ASAP2: variants seen among roughly 807,000 people sequenced by gnomAD.
ASAP2 encodes arf-GAP with SH3 domain, ANK repeat and PH domain-containing protein 2.
Under a neutral mutation model 131.4 loss-of-function variants are expected in ASAP2, and 45 were observed. The observed-to-expected ratio is 0.34, with a 90% CI of 0.27 to 0.44. The LOEUF (loss-of-function observed/expected upper bound fraction) is 0.44, where lower values mean the gene tolerates loss of function less well. Among genes scored for constraint, ASAP2 ranks in the 20% least tolerant of loss-of-function variants. The pLI is 1.00. For missense variants in ASAP2, 1,011 were observed against 1,297.0 expected (o/e 0.78, Z 3.39); for synonymous variants, 510 against 503.0 (o/e 1.01, Z -0.19).
intron 1 of ASAP2, among the ~76,000 whole-genome samples, chr2:9,258,975 C>T (rs902741228): frequency 1.3e-5 from 2 of 152,136 alleles, no homozygotes; most frequent in African/African-American, 4.8e-5. Context: ...GCCAGTTTCG[C>T]GGGGCCAGAC....
chr2:9,378,938 G>A lies in ASAP2; in HGVS notation c.1833-6G>A, dbSNP rs1674615449. The A allele has an allele frequency of 2.1e-6, 3 of 1,435,628 alleles. No individual in the cohort carries two copies. Among genetic ancestry groups the A allele is most frequent in the Non-Finnish European group, 1.8e-6 (2 of 1,082,432 alleles). The allele number at this position is 1,435,628 out of a possible 1,614,324, so 88.9% of individuals were successfully genotyped here. On this transcript the variant is annotated splice_polypyrimidine_tract_variant and splice_region_variant and intron_variant, in intron 18 of 27. Coordinates refer to ENST00000281419, the MANE Select transcript of ASAP2 (RefSeq NM_003887.3). ...ATGCTCTCTCTCTGTTCCTGTTCTCGGGCAGTGGGAACCTGGATAAACAGA... is the reference window on the plus strand; with the variant it reads ...ATGCTCTCTCTCTGTTCCTGTTCTCAGGCAGTGGGAACCTGGATAAACAGA...
chr2:9,264,190 C>CAAAAA (rs113543532), intron 1 of ASAP2, among the ~76,000 whole-genome samples: 3,021 of 123,288 alleles, frequency 0.025, 75 homozygotes, highest in Non-Finnish European at 0.032. Context: ...GACCCTGTCT[C>CAAAAA]AAAAAAATAA....
chr2:9,250,352 T>C (rs1309348020), intron 1 of ASAP2, among the ~76,000 whole-genome samples: 1 of 152,096 alleles, frequency 6.6e-6, no homozygotes, highest in Non-Finnish European at 1.5e-5. Flanking sequence ...GAACACGACA[T>C]GTGAATACAC....
chr2:9,222,827 A>G (rs1027713038), intron 1 of ASAP2, among the ~76,000 whole-genome samples: 6 of 151,668 alleles, frequency 4.0e-5, no homozygotes, highest in Non-Finnish European at 7.4e-5. Flanking sequence ...CATTGTCTAC[A>G]CTCCTGGTCC....
At chr2:9,276,792 G>A (rs1436817449) in intron 1 of ASAP2, among the ~76,000 whole-genome samples, 2 of 152,100 alleles carry the variant, frequency 1.3e-5, no homozygotes, top group African/African-American at 2.4e-5. Flanking sequence ...CTCCCACCTC[G>A]ACCTCTCAAA....
chr2:9,221,404 A>G (rs2147981370), intron 1 of ASAP2, among the ~76,000 whole-genome samples: 1 of 148,474 alleles, frequency 6.7e-6, no homozygotes, highest in South Asian at 2.1e-4. Context: ...TCACTGCAAC[A>G]TTGGCCTCCC....
At chr2:9,280,355 C>T (rs549005542) in intron 2 of ASAP2, among the ~76,000 whole-genome samples, 1 of 152,058 alleles carries the variant, frequency 6.6e-6, no homozygotes, top group Non-Finnish European at 1.5e-5. Context: ...CCTGCTCCCC[C>T]CCACCGCCCC....
chr2:9,382,784 C>T (rs1435804096), intron 20 of ASAP2, among the ~76,000 whole-genome samples: 14 of 152,238 alleles, frequency 9.2e-5, no homozygotes. Flanking sequence ...CTGCTGTGAC[C>T]AAAGGTGTGG....
At chr2:9,329,022 G>A (rs73148725) in intron 7 of ASAP2, among the ~76,000 whole-genome samples, 239 of 152,212 alleles carry the variant, frequency 1.6e-3, no homozygotes, top group African/African-American at 5.4e-3. Context: ...CACAGTGCCC[G>A]GAACACAGTA....
At position 9,334,762 on chromosome 2, in the gene ASAP2, C is replaced by T. The variant is rs199972994; in HGVS notation, c.711C>T (p.Ala237=). 6.9e-5 allele frequency: 111 copies of T among 1,614,062 alleles called. 1 individual carries two copies. In the East Asian group the frequency reaches 1.9e-3, roughly 27 times the overall value. Residue 237 remains alanine (A), a synonymous_variant, in exon 8 of 28, where the codon GCC becomes GCT. Transcript: ENST00000281419. ...QCNFFQDGLK[A]VESLKPSIET... is the part of the protein sequence containing the mutation. ...GTTTTTTTCAGGATGGACTCAAAGC[C>T]GTGGAAAGCCTCAAACCTTCCATTG...
intron 1 of ASAP2, among the ~76,000 whole-genome samples, chr2:9,261,964 T>C (rs901893410): frequency 6.6e-6 from 1 of 152,326 alleles, no homozygotes; most frequent in South Asian, 2.1e-4. Context: ...ATTTGCCATG[T>C]GCCCCTCCCC....
chr2:9,390,288 C>G (rs977853040), intron 22 of ASAP2, among the ~76,000 whole-genome samples: 3 of 152,226 alleles, frequency 2.0e-5, no homozygotes, highest in Non-Finnish European at 2.9e-5. Flanking sequence ...CAGTGTCAGC[C>G]TTGCATTTGG....
intron 12 of ASAP2, among the ~76,000 whole-genome samples, chr2:9,351,592 G>A (rs896426673): frequency 1.3e-5 from 2 of 152,196 alleles, no homozygotes; most frequent in African/African-American, 4.8e-5. Context: ...CTAGGGATTT[G>A]GGTGCAAGAG....
intron 3 of ASAP2, among the ~76,000 whole-genome samples, chr2:9,312,243 T>C (rs1669349385): frequency 6.6e-6 from 1 of 152,234 alleles, no homozygotes; most frequent in Non-Finnish European, 1.5e-5. Flanking sequence ...TATAATAATT[T>C]ATTTTCTGAT....
chr2:9,256,948 G>A (rs1558271777), intron 1 of ASAP2, among the ~76,000 whole-genome samples: 1 of 152,332 alleles, frequency 6.6e-6, no homozygotes, highest in Non-Finnish European at 1.5e-5. Flanking sequence ...CTGGGAGGGG[G>A]CAGCACAGCT....
intron 1 of ASAP2, among the ~76,000 whole-genome samples, chr2:9,210,027 C>T (rs1197258741): frequency 6.6e-6 from 1 of 152,228 alleles, no homozygotes; most frequent in Non-Finnish European, 1.5e-5. Context: ...TTATCCTGTA[C>T]TATGAAACTC....
intron 1 of ASAP2, among the ~76,000 whole-genome samples, chr2:9,278,580 GTAAT>G (rs1666911605): frequency 6.6e-6 from 1 of 152,082 alleles, no homozygotes; most frequent in Non-Finnish European, 1.5e-5. Context: ...AAGTCAAGGT[GTAAT>G]TAAATTTCCA....
intron 1 of ASAP2, among the ~76,000 whole-genome samples, chr2:9,225,406 C>T (rs1662687859): frequency 6.6e-6 from 1 of 152,128 alleles, no homozygotes; most frequent in Non-Finnish European, 1.5e-5. Flanking sequence ...GGTATGGTGA[C>T]CCAGGGACCT....
intron 1 of ASAP2, among the ~76,000 whole-genome samples, chr2:9,230,924 G>C (rs1013537004): frequency 6.6e-6 from 1 of 152,178 alleles, no homozygotes; most frequent in Non-Finnish European, 1.5e-5. Context: ...TGACCTTGGA[G>C]GTGTGTGAGG....
Sources: gnomAD v4.1 joint callset for allele counts (sites outside exome capture counted in the v4.1 genomes callset) on GRCh38, gnomAD v4.1.1 for gene constraint, MANE v1.5 for transcripts, NCBI Gene and HGNC (gene_info 2026-07-23, HGNC 2026-07-21) for gene names.